Variants in CARMIL1 observed in about 807,000 individuals in gnomAD.
The protein encoded by CARMIL1 is capping protein regulator and myosin 1 linker 1.
In CARMIL1, 90 loss-of-function variants were observed where a neutral mutation model predicts 177.1. The ratio of observed to expected loss-of-function variants is 0.51; its 90% confidence interval spans 0.43 to 0.61. The LOEUF (loss-of-function observed/expected upper bound fraction) is 0.61. Ranked by LOEUF, CARMIL1 falls within the 20% of genes least tolerant of loss-of-function variation. CARMIL1 has a pLI of 0.00. For synonymous variants in CARMIL1, 577 were observed against 606.2 expected (o/e 0.95, Z 0.71); for missense variants, 1,380 against 1,667.0 (o/e 0.83, Z 3.00).
chr6:25,295,846 T>C (rs1782333302), intron 2 of CARMIL1, among the ~76,000 whole-genome samples: 1 of 152,212 alleles, frequency 6.6e-6, no homozygotes, highest in Non-Finnish European at 1.5e-5. Context: ...CATAGCTTTT[T>C]CCTTGGCTGA....
chr6:25,569,900 T>C (rs1242005050), intron 29 of CARMIL1, among the ~76,000 whole-genome samples: 2 of 152,256 alleles, frequency 1.3e-5, no homozygotes, highest in Admixed American at 6.5e-5. Flanking sequence ...ATAAAGAAAA[T>C]ATTAAAATGC....
chr6:25,343,262 A>G (rs1787137141), intron 2 of CARMIL1, among the ~76,000 whole-genome samples: 1 of 151,974 alleles, frequency 6.6e-6, no homozygotes, highest in South Asian at 2.1e-4. Flanking sequence ...TTTATTTTGC[A>G]CATAGAGGAT....
intron 24 of CARMIL1, among the ~76,000 whole-genome samples, chr6:25,533,388 C>T (rs893301675): frequency 6.6e-6 from 1 of 152,186 alleles, no homozygotes; most frequent in Non-Finnish European, 1.5e-5. Context: ...ATGTTAGTCA[C>T]TTACTCACCT....
intron 4 of CARMIL1, among the ~76,000 whole-genome samples, chr6:25,431,322 TAAAATTGTC>T (rs1451896646): frequency 6.6e-6 from 1 of 152,088 alleles, no homozygotes; most frequent in Non-Finnish European, 1.5e-5. Context: ...TAATGTTCTT[TAAAATTGTC>T]AAAATTGTCA....
intron 2 of CARMIL1, among the ~76,000 whole-genome samples, chr6:25,371,928 T>C (rs779529201): frequency 6.6e-6 from 1 of 152,200 alleles, no homozygotes; most frequent in Non-Finnish European, 1.5e-5. Context: ...GATTTTTGTA[T>C]ATGGTGAGAG....
At chr6:25,507,122 G>A (rs574129082) in intron 17 of CARMIL1, among the ~76,000 whole-genome samples, 1 of 152,246 alleles carries the variant, frequency 6.6e-6, no homozygotes, top group African/African-American at 2.4e-5. Flanking sequence ...ATCCAAATAA[G>A]GGTAATTTAA....
At chr6:25,395,279 G>A (rs146810339) in intron 2 of CARMIL1, among the ~76,000 whole-genome samples, 1 of 152,352 alleles carries the variant, frequency 6.6e-6, no homozygotes, top group East Asian at 1.9e-4. Context: ...ACAGAAACAA[G>A]TGACTGCTGT....
intron 2 of CARMIL1, among the ~76,000 whole-genome samples, chr6:25,329,779 T>C (rs1213669756): frequency 6.6e-6 from 1 of 152,212 alleles, no homozygotes; most frequent in African/African-American, 2.4e-5. Flanking sequence ...GTATGTGTGT[T>C]TTGAAAGATA....
intron 2 of CARMIL1, among the ~76,000 whole-genome samples, chr6:25,330,361 A>G (rs979609762): frequency 3.3e-5 from 5 of 152,172 alleles, no homozygotes; most frequent in African/African-American, 9.7e-5. Flanking sequence ...AGGAACAGAG[A>G]TGATGCAGGA....
chr6:25,313,980 A>G (rs1030347742), intron 2 of CARMIL1, among the ~76,000 whole-genome samples: 2 of 151,320 alleles, frequency 1.3e-5, no homozygotes, highest in Non-Finnish European at 2.9e-5. Context: ...TATTGATTCT[A>G]TGTTTTCTTT....
intron 5 of CARMIL1, among the ~76,000 whole-genome samples, chr6:25,444,982 TCCC>T (rs897980553): frequency 2.6e-5 from 4 of 152,214 alleles, no homozygotes; most frequent in African/African-American, 9.7e-5. Flanking sequence ...TACTTTACAC[TCCC>T]ACCAACAGTG....
At chr6:25,563,453 A>G (rs1811305619) in intron 29 of CARMIL1, 1 of 985,316 alleles carries the variant, frequency 1.0e-6, no homozygotes, top group African/African-American at 1.7e-5. Flanking sequence ...GAGGAAGACA[A>G]TGGGAAGTCC....
chr6:25,554,178 A>T lies in CARMIL1; in HGVS notation c.2592+82A>T, dbSNP rs1810401088. ...GGATGACTTCCGGTGTGGGGATGTG[A>T]TTTCTTTTCTGTATTTCACACTATT... is the stretch of plus-strand genomic sequence containing the variant. On this transcript the variant is annotated intron_variant, in intron 28 of 36. Coordinates refer to ENST00000329474, the MANE Select transcript of CARMIL1 (RefSeq NM_017640.6). This position sits in a 1 kb window ranked among gnomAD's most constrained non-coding sequence, Gnocchi z 4.6. 7 of 975,260 alleles carry T rather than the reference A, an allele frequency of 7.2e-6. No homozygotes were observed. Among genetic ancestry groups the T allele is most frequent in the Non-Finnish European group, 1.1e-5 (7 of 625,368 alleles). 60.4% of individuals were successfully genotyped at this position (975,260 alleles called of 1,614,324 possible).
At chr6:25,356,631 C>T (rs569282650) in intron 2 of CARMIL1, among the ~76,000 whole-genome samples, 24 of 152,302 alleles carry the variant, frequency 1.6e-4, no homozygotes, top group South Asian at 1.0e-3. Context: ...TTCTCCCTTC[C>T]GTATAGCCCA....
rs113918307 is a variant in CARMIL1, at chr6:25,568,803, C to T, written c.2742+11953C>T. 3.0e-3 allele frequency among the ~76,000 whole-genome samples: 456 copies of T among 152,262 alleles called. 3 individuals are homozygous for T. The highest frequency in any genetic ancestry group is 9.7e-3 in the African/African-American group (402 of 41,558). On this transcript the variant is annotated intron_variant, in intron 29 of 36. Transcript: ENST00000329474. Reference sequence around the variant, plus strand: ...TCTAGGTAACTGAATGAACTGGCCACCTGTATGTGGTTATTTGATATTGAA... The same window carrying T: ...TCTAGGTAACTGAATGAACTGGCCATCTGTATGTGGTTATTTGATATTGAA...
chr6:25,408,505 C>T (rs919453693), intron 2 of CARMIL1, among the ~76,000 whole-genome samples: 2 of 152,082 alleles, frequency 1.3e-5, no homozygotes, highest in African/African-American at 4.8e-5. Flanking sequence ...TTCTAAGCAC[C>T]TTGTGTGTAT....
In CARMIL1 at chr6:25,373,040, A is replaced by G. The variant is rs368841989; in HGVS notation, c.139-47074A>G. Among the ~76,000 whole-genome samples, 3 of 152,302 alleles carry G rather than the reference A, an allele frequency of 2.0e-5. No individual in the cohort carries two copies. In the East Asian group the frequency reaches 5.8e-4, roughly 29 times the overall value. On this transcript the variant is annotated intron_variant, in intron 2 of 36. Transcript: ENST00000329474. ...GTTTTTAAAAAATTCTGTTTATATGATGTTTCACATTTATTGACTTGCATT... is the reference window on the plus strand; with the variant it reads ...GTTTTTAAAAAATTCTGTTTATATGGTGTTTCACATTTATTGACTTGCATT...
intron 29 of CARMIL1, among the ~76,000 whole-genome samples, chr6:25,560,392 C>G (rs2151190463): frequency 6.6e-6 from 1 of 152,214 alleles, no homozygotes; most frequent in Non-Finnish European, 1.5e-5. Context: ...TGTGTCTACT[C>G]TCTTAGCCCC....
chr6:25,510,283 G>C (rs894778353), intron 18 of CARMIL1, among the ~76,000 whole-genome samples: 1 of 152,088 alleles, frequency 6.6e-6, no homozygotes, highest in Non-Finnish European at 1.5e-5. Context: ...TTGTATAAGA[G>C]ATTTAGATAA....
Sources: gnomAD v4.1 joint callset for allele counts (sites outside exome capture counted in the v4.1 genomes callset) on GRCh38, gnomAD v4.1.1 for gene constraint, Gnocchi (gnomAD v3.1) non-coding constraint, MANE v1.5 for transcripts, NCBI Gene and HGNC (gene_info 2026-07-23, HGNC 2026-07-21) for gene names.